The following WWC1 variants were observed in gnomAD, a reference collection of about 807,000 sequenced individuals.
The protein encoded by WWC1 is WW and C2 domain containing 1.
WWC1 carries 55 observed loss-of-function variants against 138.4 expected under a neutral mutation model. The ratio of observed to expected loss-of-function variants is 0.40; its 90% CI spans 0.32 to 0.50. The LOEUF (loss-of-function observed/expected upper bound fraction) is 0.50. WWC1 is among the 20% of genes least tolerant of loss of function. The pLI is 0.72. For missense variants in WWC1, 1,226 were observed against 1,420.4 expected (o/e 0.86, Z 2.20); for synonymous variants, 524 against 564.9 (o/e 0.93, Z 1.03).
intron 5 of WWC1, among the ~76,000 whole-genome samples, chr5:168,405,606 C>T (rs1431954389): frequency 1.3e-5 from 2 of 152,090 alleles, no homozygotes; most frequent in African/African-American, 4.8e-5. Context: ...TCAGGGAAGG[C>T]TTCCCATAAG....
In WWC1 at chr5:168,431,292, A is replaced by G; in HGVS notation, c.2128A>G (p.Thr710Ala). 1 of 1,614,000 alleles carries G rather than the reference A, an allele frequency of 6.2e-7. No individual in the cohort carries two copies. The highest frequency in any genetic ancestry group is 2.2e-5 in the East Asian group (1 of 44,868). ...VAVLPCSESTTCLFRTRPLDA... is the reference protein window; with the variant it reads ...VAVLPCSESTACLFRTRPLDA... ...TGTCCTTCCTTGCTCTGAAAGCACA[A>G]CCTGCCTGTTCCGGACCCGGCCTCT... Residue 710 changes from threonine (T) to alanine (A), a missense_variant, in exon 15 of 23, where the codon ACC becomes GCC. By Grantham distance (58) the Thr-to-Ala change is moderately conservative. Coordinates refer to ENST00000265293, the MANE Select transcript of WWC1 (RefSeq NM_015238.3).
intron 1 of WWC1, among the ~76,000 whole-genome samples, chr5:168,347,429 C>T (rs1367346477): frequency 6.6e-6 from 1 of 152,164 alleles, no homozygotes; most frequent in Non-Finnish European, 1.5e-5. Context: ...AAATTCTGTG[C>T]CCTAATCCTG....
intron 1 of WWC1, among the ~76,000 whole-genome samples, chr5:168,335,184 T>G (rs1773355149): frequency 6.6e-6 from 1 of 152,244 alleles, no homozygotes; most frequent in Non-Finnish European, 1.5e-5. Flanking sequence ...TTTTTGCTGG[T>G]GCAGGTGCAT....
At chr5:168,303,087 C>G (rs1206598722) in intron 1 of WWC1, among the ~76,000 whole-genome samples, 2 of 152,178 alleles carry the variant, frequency 1.3e-5, no homozygotes, top group African/African-American at 4.8e-5. Flanking sequence ...GGAGAGGGTA[C>G]TCAATTATCC....
chr5:168,410,544 G>A (rs981083289), intron 8 of WWC1, among the ~76,000 whole-genome samples: 1 of 152,126 alleles, frequency 6.6e-6, no homozygotes, highest in Non-Finnish European at 1.5e-5. Context: ...TCTGTTATAG[G>A]CCTAAAGAGA....
At chr5:168,460,820 C>A in intron 20 of WWC1, 78 bp downstream of exon 20, 2 of 1,410,722 alleles carry the variant, frequency 1.4e-6, no homozygotes, top group Non-Finnish European at 2.0e-6. Flanking sequence ...GCACACACAT[C>A]TCCTAATGTC....
chr5:168,297,751 A>AT (rs1237161121), intron 1 of WWC1, among the ~76,000 whole-genome samples: 1 of 152,000 alleles, frequency 6.6e-6, no homozygotes, highest in Non-Finnish European at 1.5e-5. Flanking sequence ...TCTTATATAA[A>AT]TTTTTTACTA....
intron 17 of WWC1, among the ~76,000 whole-genome samples, chr5:168,452,087 G>T (rs1027277602): frequency 6.6e-6 from 1 of 152,012 alleles, no homozygotes; most frequent in Admixed American, 6.6e-5. Context: ...TGTATTTTTA[G>T]TAGAGACAAG....
chr5:168,292,125 T>TG lies in WWC1; in HGVS notation c.-23dup. Reference sequence around the variant, plus strand: ...GCCCCCGCTGCGGCCGGGAGCTGCATGGGGGAGCGCCGGCAGCGCTTGGGA... The same window carrying TG: ...GCCCCCGCTGCGGCCGGGAGCTGCATGGGGGGAGCGCCGGCAGCGCTTGGGA... On this transcript the variant is annotated 5_prime_UTR_variant, in exon 1 of 23. Coordinates refer to ENST00000265293, the MANE Select transcript of WWC1 (RefSeq NM_015238.3). The surrounding 1 kb of genome is among the most constrained non-coding windows in gnomAD (Gnocchi z 4.4). 1.3e-6 allele frequency: 2 copies of TG among 1,525,864 alleles called. No homozygotes were observed. The highest frequency in any genetic ancestry group is 1.8e-6 in the Non-Finnish European group (2 of 1,136,438). 94.5% of individuals were successfully genotyped at this position (1,525,864 alleles called of 1,614,324 possible).
chr5:168,436,569 C>T (rs1782363748), intron 15 of WWC1, among the ~76,000 whole-genome samples: 2 of 152,184 alleles, frequency 1.3e-5, no homozygotes, highest in African/African-American at 4.8e-5. Flanking sequence ...TTCACTTAAA[C>T]GTAAAATAGG....
At chr5:168,435,603 G>T (rs1319710961) in intron 15 of WWC1, among the ~76,000 whole-genome samples, 1 of 151,846 alleles carries the variant, frequency 6.6e-6, no homozygotes, top group Non-Finnish European at 1.5e-5. Context: ...TAGAGATGGG[G>T]TCTCACTATG....
At chr5:168,399,593 A>G (rs773754938) in intron 5 of WWC1, 26 bp downstream of exon 5, 7 of 1,611,896 alleles carry the variant, frequency 4.3e-6, no homozygotes, top group African/African-American at 4.0e-5. Flanking sequence ...ATCCCAGAGC[A>G]TGGGGGCTGC....
At chr5:168,455,169 A>G (rs1046114943) in intron 18 of WWC1, among the ~76,000 whole-genome samples, 187 bp from the exon 19 acceptor site, 1 of 152,120 alleles carries the variant, frequency 6.6e-6, no homozygotes. Context: ...CGGCACACCT[A>G]GCCTTGGGTA....
chr5:168,464,592 C>A, intron 20 of WWC1, 137 bp from the exon 21 acceptor site: 1 of 1,408,728 alleles, frequency 7.1e-7, no homozygotes, highest in Non-Finnish European at 9.4e-7. Context: ...TCAAAACAGG[C>A]TTCCCAGGGA....
At chr5:168,343,179 T>TGAGGCAGGAGAATGG (rs1220495667) in intron 1 of WWC1, among the ~76,000 whole-genome samples, 13 of 151,462 alleles carry the variant, frequency 8.6e-5, no homozygotes, top group African/African-American at 2.4e-4. Context: ...GTCATAAAGT[T>TGAGGCAGGAGAATGG]CACTGTGCTA....
chr5:168,455,551 C>T (rs753781175), intron 19 of WWC1, 31 bp downstream of exon 19: 4 of 1,600,594 alleles, frequency 2.5e-6, no homozygotes, highest in Middle Eastern at 1.7e-4. Context: ...CTTCTGCTCC[C>T]CTCAGGGTAG....
At chr5:168,459,826 C>G (rs2337212) in intron 19 of WWC1, among the ~76,000 whole-genome samples, 46,756 of 152,138 alleles carry the variant, frequency 0.31, 8,353 homozygotes, top group Middle Eastern at 0.45. Context: ...ATCGGCCTGT[C>G]ACAACCCCAC....
At chr5:168,386,009 C>T (rs1013523356) in intron 3 of WWC1, among the ~76,000 whole-genome samples, 1 of 152,122 alleles carries the variant, frequency 6.6e-6, no homozygotes, top group Non-Finnish European at 1.5e-5. Flanking sequence ...CCCCAGCCCC[C>T]CTTTCTGTTT....
intron 2 of WWC1, among the ~76,000 whole-genome samples, chr5:168,380,855 T>G (rs1447747076): frequency 6.6e-6 from 1 of 152,132 alleles, no homozygotes; most frequent in Non-Finnish European, 1.5e-5. Flanking sequence ...GGAATGAGTC[T>G]CAAAAACCTT....
Sources: allele counts gnomAD v4.1 joint callset (sites outside exome capture counted in the v4.1 genomes callset), GRCh38; gene constraint gnomAD v4.1.1; non-coding constraint Gnocchi (gnomAD v3.1); transcripts MANE v1.5; gene names NCBI Gene and HGNC (gene_info 2026-07-23, HGNC 2026-07-21).